Variants in CEP128 observed in about 807,000 individuals in gnomAD.
CEP128 encodes centrosomal protein 128.
In CEP128, 132 loss-of-function variants were observed where a neutral mutation model predicts 156.7. That is an observed-to-expected ratio of 0.84 (90% CI 0.73 to 0.97). The LOEUF (loss-of-function observed/expected upper bound fraction) is 0.97, where lower values mean the gene tolerates loss of function less well. Among genes scored for constraint, CEP128 ranks in the 50% least tolerant of loss-of-function variants. The pLI, the probability that CEP128 is intolerant of heterozygous loss-of-function variation, is 0.00. For missense variants in CEP128, 1,252 were observed against 1,281.9 expected, an observed-to-expected ratio of 0.98 and a Z score of 0.36; for synonymous variants, 469 against 448.9, an observed-to-expected ratio of 1.04 and a Z score of -0.57.
chr14:80,751,284 T>C (rs1279284677), intron 18 of CEP128, among the ~76,000 whole-genome samples: 1 of 152,240 alleles, frequency 6.6e-6, no homozygotes, highest in Non-Finnish European at 1.5e-5. Flanking sequence ...AGATTTTTTT[T>C]ATGAATTGAA....
intron 18 of CEP128, among the ~76,000 whole-genome samples, chr14:80,745,923 T>A (rs1899077338): frequency 6.6e-6 from 1 of 151,814 alleles, no homozygotes; most frequent in Non-Finnish European, 1.5e-5. Flanking sequence ...ATAAAATCAA[T>A]ACAAAAATTA....
At chr14:80,489,763 G>C (rs544129045), downstream of CEP128, among the ~76,000 whole-genome samples, 1 of 152,244 alleles carries the variant, frequency 6.6e-6, no homozygotes, top group South Asian at 2.1e-4. Context: ...CAATCAGAGC[G>C]GGGTGTGACA....
At chr14:80,566,368 TA>T (rs1434851855) in intron 20 of CEP128, among the ~76,000 whole-genome samples, 9 of 152,226 alleles carry the variant, frequency 5.9e-5, no homozygotes, top group African/African-American at 2.2e-4. Flanking sequence ...TTAAAAGAGC[TA>T]GAAGTCATTT....
chr14:80,571,803 CAAAAA>C (rs35580958), intron 20 of CEP128, among the ~76,000 whole-genome samples: 1 of 133,882 alleles, frequency 7.5e-6, no homozygotes, highest in South Asian at 2.5e-4. Context: ...CAAATCAGAA[CAAAAA>C]AAAAGAAAGG....
At chr14:80,803,512 C>T (rs557628308) in intron 13 of CEP128, among the ~76,000 whole-genome samples, 2 of 152,208 alleles carry the variant, frequency 1.3e-5, no homozygotes, top group East Asian at 3.9e-4. Flanking sequence ...CAGCCAATCC[C>T]GGAAGTCACA....
intron 19 of CEP128, among the ~76,000 whole-genome samples, chr14:80,679,915 T>G (rs752154138): frequency 3.9e-5 from 6 of 152,182 alleles, no homozygotes; most frequent in Non-Finnish European, 8.8e-5. Flanking sequence ...CTCTTTCTCT[T>G]TATTTCTCAG....
intron 21 of CEP128, among the ~76,000 whole-genome samples, chr14:80,554,456 A>G (rs1262356319): frequency 2.6e-5 from 4 of 152,164 alleles, no homozygotes; most frequent in Non-Finnish European, 5.9e-5. Context: ...TGCCCCTAGA[A>G]CATTCGGTAG....
intron 23 of CEP128, chr14:80,514,686 TC>T: frequency 2.4e-6 from 1 of 417,262 alleles, no homozygotes. Context: ...CTCTGAAAGG[TC>T]ACATATTTTT....
intron 19 of CEP128, among the ~76,000 whole-genome samples, chr14:80,619,707 T>TAA (rs200840072): frequency 2.6e-4 from 26 of 99,404 alleles, no homozygotes; most frequent in African/African-American, 9.6e-4. Flanking sequence ...TGTCTCAAGT[T>TAA]AAAAAAAAAA....
chr14:80,840,853 T>A, intron 9 of CEP128, 85 bp from the exon 10 acceptor site: 2 of 803,388 alleles, frequency 2.5e-6, no homozygotes, highest in Non-Finnish European at 4.2e-6. Flanking sequence ...GTATTAGGGC[T>A]GAAGAAGACA....
chr14:80,694,741 G>T (rs541437433), intron 19 of CEP128, among the ~76,000 whole-genome samples: 1 of 150,758 alleles, frequency 6.6e-6, no homozygotes, highest in Admixed American at 6.6e-5. Context: ...ACACACTGGG[G>T]CCTGTCAGGG....
At chr14:80,673,671 A>AAAAT (rs1895944752) in intron 19 of CEP128, among the ~76,000 whole-genome samples, 3 of 145,922 alleles carry the variant, frequency 2.1e-5, no homozygotes, top group Non-Finnish European at 4.5e-5. Context: ...AAAAAAAAAA[A>AAAAT]TGTACTAAAG....
intron 20 of CEP128, among the ~76,000 whole-genome samples, chr14:80,579,409 C>T (rs1461094476): frequency 6.6e-6 from 1 of 151,926 alleles, no homozygotes; most frequent in African/African-American, 2.4e-5. Context: ...TAACATGTAC[C>T]ACTTTTACTG....
chr14:80,919,120 A>G (rs530500208), intron 2 of CEP128, among the ~76,000 whole-genome samples: 12 of 152,316 alleles, frequency 7.9e-5, no homozygotes, highest in Non-Finnish European at 4.4e-5. Context: ...TGTGCTTACT[A>G]TAATAGTTGT....
chr14:80,718,597 C>T (rs1378973309), intron 19 of CEP128, among the ~76,000 whole-genome samples: 1 of 152,190 alleles, frequency 6.6e-6, no homozygotes, highest in Non-Finnish European at 1.5e-5. Flanking sequence ...GCCACCATTT[C>T]CAAACTACAC....
At chr14:80,482,250 G>T (rs149003896) in intron 14 of CEP128, among the ~76,000 whole-genome samples, 7 of 152,170 alleles carry the variant, frequency 4.6e-5, no homozygotes, top group African/African-American at 1.7e-4. Flanking sequence ...CTGATTGGTG[G>T]TGTCTTTTCC....
At chr14:80,656,284 TATATATTTATATATA>T in intron 19 of CEP128, among the ~76,000 whole-genome samples, 1 of 6,794 alleles carries the variant, frequency 1.5e-4, no homozygotes, top group African/African-American at 1.7e-3. Flanking sequence ...TTTATTTATA[TATATATTTATATATA>T]TATATATATA....
At chr14:80,756,365 T>C (rs555120798) in intron 18 of CEP128, among the ~76,000 whole-genome samples, 1 of 152,124 alleles carries the variant, frequency 6.6e-6, no homozygotes, top group Non-Finnish European at 1.5e-5. Flanking sequence ...AAGGTAAACT[T>C]TATCTTTCCA....
At chr14:80,915,551 TA>T (rs1458411135) in intron 3 of CEP128, among the ~76,000 whole-genome samples, 2 of 152,194 alleles carry the variant, frequency 1.3e-5, no homozygotes, top group Non-Finnish European at 2.9e-5. Context: ...GTGTTACACT[TA>T]CCCCACCTCT....
Sources: gnomAD v4.1 joint callset for allele counts (sites outside exome capture counted in the v4.1 genomes callset) on GRCh38, gnomAD v4.1.1 for gene constraint, MANE v1.5 for transcripts, NCBI Gene and HGNC (gene_info 2026-07-23, HGNC 2026-07-21) for gene names.